Variants in SYT17 observed in about 807,000 individuals in gnomAD.
The protein encoded by SYT17 is synaptotagmin-17.
SYT17 carries 22 observed loss-of-function variants against 46.7 expected under a neutral mutation model. That is an observed-to-expected ratio of 0.47 (90% CI 0.34 to 0.67). The LOEUF (loss-of-function observed/expected upper bound fraction) is 0.67. SYT17 is among the 30% of genes least tolerant of loss of function. SYT17 has a pLI of 0.01. For synonymous variants in SYT17, 251 were observed against 248.4 expected, an observed-to-expected ratio of 1.01 and a Z score of -0.10; for missense variants, 519 against 612.8, an observed-to-expected ratio of 0.85 and a Z score of 1.62.
chr16:19,217,250 G>A (rs938196328), intron 5 of SYT17, among the ~76,000 whole-genome samples: 2 of 151,974 alleles, frequency 1.3e-5, no homozygotes, highest in Non-Finnish European at 2.9e-5. Flanking sequence ...ATTCTCAGTG[G>A]TGTGCAACCA....
intron 5 of SYT17, among the ~76,000 whole-genome samples, chr16:19,218,467 A>G (rs1966178980): frequency 6.6e-6 from 1 of 152,228 alleles, no homozygotes; most frequent in Non-Finnish European, 1.5e-5. Flanking sequence ...TGGGATGGGT[A>G]GAGAGTACAG....
chr16:19,173,148 C>T (rs946902120), intron 2 of SYT17: 7 of 536,032 alleles, frequency 1.3e-5, no homozygotes, highest in Non-Finnish European at 2.0e-5. Flanking sequence ...TCAAGAAAGA[C>T]GTTCACATAA....
intron 5 of SYT17, among the ~76,000 whole-genome samples, chr16:19,215,479 A>G (rs948968415): frequency 6.6e-6 from 1 of 152,178 alleles, no homozygotes; most frequent in Admixed American, 6.5e-5. Flanking sequence ...AGGATCTATC[A>G]TAGTTCACTG....
At position 19,252,470 on chromosome 16, in the gene SYT17, CATATATATATACATATATATATACAT is replaced by C. The variant is rs1567234819; in HGVS notation, c.1229-14400_1229-14375del. On this transcript the variant is annotated intron_variant, in intron 7 of 7. Coordinates refer to ENST00000355377, the MANE Select transcript of SYT17 (RefSeq NM_016524.4). ...ATACACATATATACATATATATATA[CATATATATATACATATATATATACAT>C]ATATATATACATATATATATACATA... is the stretch of plus-strand genomic sequence containing the variant. Among the ~76,000 whole-genome samples the C allele has an allele frequency of 1.1e-3, 4 of 3,752 alleles. 1 individual carries two copies. The highest frequency in any genetic ancestry group is 5.9e-3 in the African/African-American group (3 of 512). 2.5% of individuals were successfully genotyped at this position (3,752 alleles called of 152,430 possible). A position where few individuals can be genotyped will look rare whatever the true frequency, so the allele number is the denominator to read the frequency against.
chr16:19,215,482 G>A (rs1166401640), intron 5 of SYT17, among the ~76,000 whole-genome samples: 2 of 152,092 alleles, frequency 1.3e-5, no homozygotes, highest in African/African-American at 2.4e-5. Context: ...ATCTATCATA[G>A]TTCACTGCAG....
At chr16:19,228,214 C>T (rs1966562627) in intron 7 of SYT17, among the ~76,000 whole-genome samples, 1 of 152,160 alleles carries the variant, frequency 6.6e-6, no homozygotes, top group African/African-American at 2.4e-5. Flanking sequence ...AGCCACACCA[C>T]ACCCCCTCTC....
chr16:19,265,130 C>G (rs1406082510), intron 7 of SYT17, among the ~76,000 whole-genome samples: 3 of 152,176 alleles, frequency 2.0e-5, no homozygotes, highest in Non-Finnish European at 4.4e-5. Context: ...TGAGATCAAA[C>G]CTTACACTGC....
At chr16:19,194,249 G>T (rs1162106843) in intron 5 of SYT17, among the ~76,000 whole-genome samples, 3 of 152,136 alleles carry the variant, frequency 2.0e-5, no homozygotes, top group Admixed American at 6.6e-5. Flanking sequence ...GCTTTTGGGG[G>T]AACGGATGAC....
chr16:19,241,877 C>T (rs1967156936), intron 7 of SYT17, among the ~76,000 whole-genome samples: 1 of 152,200 alleles, frequency 6.6e-6, no homozygotes, highest in Non-Finnish European at 1.5e-5. Flanking sequence ...GGTCCCACCA[C>T]CACTGCCCGT....
intron 5 of SYT17, among the ~76,000 whole-genome samples, chr16:19,203,471 G>A (rs935132420): frequency 6.6e-6 from 1 of 152,232 alleles, no homozygotes; most frequent in South Asian, 2.1e-4. Flanking sequence ...AATGTGATAA[G>A]AAGCAAGGTG....
rs563807499 is a variant in SYT17, at chr16:19,241,049, G to A, written c.1228+16211G>A. On this transcript the variant is annotated intron_variant, in intron 7 of 7. Transcript: ENST00000355377. ...TGCAAGCTCCGCCTCCCGGGTTCAC[G>A]CCATTCTCCTGCCTCAGCCTCCCAA... Among the ~76,000 whole-genome samples, 187 of 145,846 alleles carry A rather than the reference G, an allele frequency of 1.3e-3. 1 individual carries two copies. In the South Asian group the frequency reaches 0.038, roughly 29 times the overall value.
intron 1 of SYT17, chr16:19,171,190 G>C (rs1176747494): frequency 6.5e-6 from 1 of 152,732 alleles, no homozygotes; most frequent in African/African-American, 2.4e-5. Flanking sequence ...TGGCTTTAGA[G>C]AGTTTGTGAT....
chr16:19,173,180 A>G (rs920696644), intron 2 of SYT17: 5 of 552,112 alleles, frequency 9.1e-6, no homozygotes, highest in Non-Finnish European at 1.6e-5. Flanking sequence ...AAATACCTGC[A>G]AATGTTTTGC....
At chr16:19,263,294 A>G (rs1969114877) in intron 7 of SYT17, among the ~76,000 whole-genome samples, 1 of 152,132 alleles carries the variant, frequency 6.6e-6, no homozygotes, top group South Asian at 2.1e-4. Context: ...GTCTCTAAAG[A>G]TCTGCCTATT....
chr16:19,241,705 C>T (rs1441119445), intron 7 of SYT17, among the ~76,000 whole-genome samples: 1 of 151,988 alleles, frequency 6.6e-6, no homozygotes, highest in African/African-American at 2.4e-5. Context: ...GAGGACCATC[C>T]ACCTCCTTCC....
At chr16:19,198,888 TTTGA>T (rs1051864788) in intron 5 of SYT17, among the ~76,000 whole-genome samples, 2 of 152,204 alleles carry the variant, frequency 1.3e-5, no homozygotes, top group African/African-American at 4.8e-5. Context: ...TTCAACTCAG[TTTGA>T]TTGAGGAGAA....
chr16:19,242,190 ATGACCT>A (rs1370835182), intron 7 of SYT17, among the ~76,000 whole-genome samples: 4 of 152,208 alleles, frequency 2.6e-5, no homozygotes, highest in Non-Finnish European at 4.4e-5. Flanking sequence ...CCATCCTTTC[ATGACCT>A]TGACATTCTA....
intron 7 of SYT17, among the ~76,000 whole-genome samples, chr16:19,260,401 T>C (rs570948476): frequency 2.2e-5 from 3 of 136,544 alleles, no homozygotes; most frequent in Non-Finnish European, 4.6e-5. Context: ...TCCCAGCTAG[T>C]TGGGAAGCTG....
chr16:19,214,484 G>A (rs932342459), intron 5 of SYT17, among the ~76,000 whole-genome samples: 8 of 152,112 alleles, frequency 5.3e-5, no homozygotes, highest in Non-Finnish European at 8.8e-5. Context: ...ATAGGCATGA[G>A]CCACCATGCT....
Sources: allele counts gnomAD v4.1 joint callset (sites outside exome capture counted in the v4.1 genomes callset), GRCh38; gene constraint gnomAD v4.1.1; transcripts MANE v1.5; gene names NCBI Gene and HGNC (gene_info 2026-07-23, HGNC 2026-07-21).